The following RGSL1 variants were observed in gnomAD, a reference collection of about 807,000 sequenced individuals.
RGSL1 encodes the protein regulator of G protein signaling protein-like.
In RGSL1, 97 loss-of-function variants were observed where a neutral mutation model predicts 124.7. The ratio of observed to expected loss-of-function variants is 0.78; its 90% confidence interval spans 0.66 to 0.92. The LOEUF is 0.92. RGSL1 is among the 40% of genes least tolerant of loss of function. The pLI is 0.00. For missense variants in RGSL1, 1,233 were observed against 1,288.4 expected (o/e 0.96, Z 0.66); for synonymous variants, 424 against 438.1 (o/e 0.97, Z 0.40).
At chr1:182,455,413 C>T (rs1558218578) in intron 2 of RGSL1, among the ~76,000 whole-genome samples, 2 of 152,038 alleles carry the variant, frequency 1.3e-5, no homozygotes, top group Admixed American at 6.6e-5. Context: ...GAAATCCTGT[C>T]TCTACTAAAA....
intron 9 of RGSL1, among the ~76,000 whole-genome samples, chr1:182,503,586 T>G: frequency 1.4e-5 from 1 of 72,958 alleles, no homozygotes. Flanking sequence ...GGAAGGGTAA[T>G]TGTGGGGTGG....
At chr1:182,474,876 T>C (rs1654163482) in intron 6 of RGSL1, among the ~76,000 whole-genome samples, 1 of 152,190 alleles carries the variant, frequency 6.6e-6, no homozygotes, top group Admixed American at 6.5e-5. Context: ...AGGATCTGGG[T>C]TGCATGCTTC....
At chr1:182,513,658 C>T (rs576311049) in intron 9 of RGSL1, among the ~76,000 whole-genome samples, 1 of 152,270 alleles carries the variant, frequency 6.6e-6, no homozygotes, top group African/African-American at 2.4e-5. Flanking sequence ...TTTCTTGTGT[C>T]TCCCTATCTC....
chr1:182,501,996 T>G (rs1656423110), intron 9 of RGSL1, among the ~76,000 whole-genome samples: 1 of 152,210 alleles, frequency 6.6e-6, no homozygotes, highest in South Asian at 2.1e-4. Flanking sequence ...TTATCTAGAT[T>G]ACCTAATTTG....
intron 9 of RGSL1, among the ~76,000 whole-genome samples, chr1:182,508,270 T>C (rs1368918838): frequency 6.7e-6 from 1 of 148,510 alleles, no homozygotes; most frequent in Non-Finnish European, 1.5e-5. Context: ...GTGGTGGTGA[T>C]GGTTGTTGGT....
chr1:182,455,477 G>A (rs149402783), intron 2 of RGSL1, among the ~76,000 whole-genome samples: 3,934 of 152,248 alleles, frequency 0.026, 88 homozygotes, highest in Middle Eastern at 0.048. Flanking sequence ...AGCTACTCAG[G>A]AGGCTGAGGC....
At chr1:182,530,429 A>C (rs954827671) in intron 12 of RGSL1, 68 bp downstream of exon 12, 1 of 1,208,240 alleles carries the variant, frequency 8.3e-7, no homozygotes, top group African/African-American at 1.5e-5. Flanking sequence ...AGCCATATGC[A>C]TCAAGGGTTT....
At chr1:182,466,541 A>G (rs1653345526) in intron 4 of RGSL1, among the ~76,000 whole-genome samples, 1 of 152,190 alleles carries the variant, frequency 6.6e-6, no homozygotes, top group Non-Finnish European at 1.5e-5. Context: ...CTTACAATGA[A>G]CAACCTGAAA....
intron 9 of RGSL1, among the ~76,000 whole-genome samples, chr1:182,520,416 G>A (rs907502460): frequency 1.3e-5 from 2 of 152,116 alleles, no homozygotes; most frequent in African/African-American, 4.8e-5. Context: ...ATTGTCAAAT[G>A]TCTTAAGAAT....
intron 14 of RGSL1, among the ~76,000 whole-genome samples, chr1:182,539,057 A>G (rs1426532828): frequency 6.6e-6 from 1 of 152,180 alleles, no homozygotes; most frequent in Admixed American, 6.5e-5. Flanking sequence ...AAATATCCTG[A>G]AATTTTGTGA....
intron 17 of RGSL1, 137 bp downstream of exon 17, chr1:182,548,961 C>T: frequency 9.6e-7 from 1 of 1,037,496 alleles, no homozygotes; most frequent in South Asian, 1.7e-5. Flanking sequence ...TTTTCAAAAT[C>T]CTATTCACCT....
chr1:182,478,814 A>C (rs955546395), intron 6 of RGSL1, among the ~76,000 whole-genome samples: 1 of 152,204 alleles, frequency 6.6e-6, no homozygotes. Context: ...AAAGTCAAAG[A>C]CAAAGAATTT....
intron 9 of RGSL1, among the ~76,000 whole-genome samples, chr1:182,513,959 T>C (rs531560616): frequency 6.6e-6 from 1 of 151,224 alleles, no homozygotes; most frequent in African/African-American, 2.4e-5. Flanking sequence ...AATGGTGTGA[T>C]CTTGGCTCAC....
At chr1:182,523,208 C>CT (rs560766193) in intron 10 of RGSL1, among the ~76,000 whole-genome samples, 9,944 of 146,970 alleles carry the variant, frequency 0.068, 452 homozygotes, top group South Asian at 0.17. Context: ...GTTTTTTTTT[C>CT]TTTTTTTTTT....
At chr1:182,559,579 C>G (rs1661055791) in intron 21 of RGSL1, among the ~76,000 whole-genome samples, 1 of 152,220 alleles carries the variant, frequency 6.6e-6, no homozygotes, top group African/African-American at 2.4e-5. Flanking sequence ...GAGAACAAAT[C>G]TGACCTGCTC....
intron 14 of RGSL1, among the ~76,000 whole-genome samples, chr1:182,533,763 A>G (rs941114096): frequency 1.3e-5 from 2 of 152,326 alleles, no homozygotes; most frequent in Non-Finnish European, 2.9e-5. Context: ...TGTTACTGCT[A>G]TTATTATATA....
chr1:182,547,180 A>G (rs1221852524), intron 15 of RGSL1, among the ~76,000 whole-genome samples: 2 of 152,222 alleles, frequency 1.3e-5, no homozygotes, highest in African/African-American at 4.8e-5. Context: ...AGATCCCACA[A>G]ACTAATGAGG....
At chr1:182,521,951 C>CATTG in intron 9 of RGSL1, 53 bp from the exon 10 acceptor site, 2 of 1,200,222 alleles carry the variant, frequency 1.7e-6, no homozygotes, top group Non-Finnish European at 2.3e-6. Context: ...CTAGTTTTTC[C>CATTG]CTTTTCATTG....
intron 9 of RGSL1, among the ~76,000 whole-genome samples, chr1:182,519,013 G>T (rs1558365095): frequency 2.6e-5 from 4 of 151,260 alleles, no homozygotes; most frequent in Non-Finnish European, 1.5e-5. Flanking sequence ...ATTAAAATGG[G>T]GGGGGGTAGG....
Sources: allele counts gnomAD v4.1 joint callset (sites outside exome capture counted in the v4.1 genomes callset), GRCh38; gene constraint gnomAD v4.1.1; transcripts MANE v1.5; gene names NCBI Gene and HGNC (gene_info 2026-07-23, HGNC 2026-07-21).